The following CLDN10 variants were observed in gnomAD, a reference collection of about 807,000 sequenced individuals.
CLDN10 encodes claudin-10.
In CLDN10, 15 loss-of-function variants were observed where a neutral mutation model predicts 22.9. The ratio of observed to expected loss-of-function variants is 0.65; its 90% CI spans 0.44 to 1.01. The LOEUF (loss-of-function observed/expected upper bound fraction) is 1.01. Ranked by LOEUF, CLDN10 falls within the 50% of genes least tolerant of loss-of-function variation. The pLI is 0.00. For missense variants in CLDN10, 247 were observed against 287.8 expected, an observed-to-expected ratio of 0.86 and a Z score of 1.03; for synonymous variants, 114 against 111.4, an observed-to-expected ratio of 1.02 and a Z score of -0.15.
At chr13:95,563,093 C>CTACTCTCT (rs2043736980) in intron 3 of CLDN10, among the ~76,000 whole-genome samples, 1 of 74,404 alleles carries the variant, frequency 1.3e-5, no homozygotes, top group Non-Finnish European at 3.4e-5. Context: ...CTCTGCCTAC[C>CTACTCTCT]CACTCTCTCT....
chr13:95,547,131 C>T (rs1287649423), intron 1 of CLDN10, among the ~76,000 whole-genome samples: 1 of 150,720 alleles, frequency 6.6e-6, no homozygotes, highest in African/African-American at 2.4e-5. Context: ...AGTGATCTTG[C>T]TGCCTCAGCC....
At chr13:95,467,309 C>T in intron 1 of CLDN10, among the ~76,000 whole-genome samples, 1 of 152,214 alleles carries the variant, frequency 6.6e-6, no homozygotes, top group South Asian at 2.1e-4. Flanking sequence ...AAAAGCATAG[C>T]CCTGTAAATG....
intron 1 of CLDN10, among the ~76,000 whole-genome samples, chr13:95,527,086 AC>A (rs1447851494): frequency 6.6e-6 from 1 of 152,020 alleles, no homozygotes; most frequent in Non-Finnish European, 1.5e-5. Context: ...CCTGTTTTAG[AC>A]CCATTTTTGC....
intron 1 of CLDN10, among the ~76,000 whole-genome samples, chr13:95,444,669 G>A (rs1288640809): frequency 6.6e-6 from 1 of 152,168 alleles, no homozygotes; most frequent in Non-Finnish European, 1.5e-5. Context: ...TTAGGCTAAG[G>A]GACTCATCCA....
chr13:95,555,925 G>C (rs1395996702), intron 1 of CLDN10, among the ~76,000 whole-genome samples: 1 of 152,044 alleles, frequency 6.6e-6, no homozygotes, highest in Non-Finnish European at 1.5e-5. Flanking sequence ...TTAAACCCAG[G>C]TATGAGCTCT....
At chr13:95,479,028 G>A (rs758265308) in intron 1 of CLDN10, among the ~76,000 whole-genome samples, 3 of 152,238 alleles carry the variant, frequency 2.0e-5, no homozygotes, top group African/African-American at 7.2e-5. Context: ...AGCAGGTGCA[G>A]TGGTAGAAGA....
intron 1 of CLDN10, among the ~76,000 whole-genome samples, chr13:95,512,181 T>C (rs2043110686): frequency 7.7e-6 from 1 of 129,750 alleles, no homozygotes; most frequent in Non-Finnish European, 1.7e-5. Context: ...GATGTTAATA[T>C]GAGCAATGTG....
chr13:95,446,778 G>C (rs1003128323), intron 1 of CLDN10, among the ~76,000 whole-genome samples: 4 of 152,010 alleles, frequency 2.6e-5, no homozygotes, highest in Non-Finnish European at 5.9e-5. Flanking sequence ...GGAGGTAGAG[G>C]TTGCAGTGAA....
chr13:95,480,912 G>A (rs2042740299), intron 1 of CLDN10, among the ~76,000 whole-genome samples: 2 of 152,152 alleles, frequency 1.3e-5, no homozygotes, highest in East Asian at 3.9e-4. Flanking sequence ...GAATTCCTGG[G>A]CTCTATAGCC....
chr13:95,478,160 T>C (rs2042703644), intron 1 of CLDN10, among the ~76,000 whole-genome samples: 1 of 144,070 alleles, frequency 6.9e-6, no homozygotes. Context: ...AAAAAAAAAA[T>C]AGCTGGACAT....
chr13:95,447,254 A>C (rs1420939769), intron 1 of CLDN10, among the ~76,000 whole-genome samples: 3 of 152,202 alleles, frequency 2.0e-5, no homozygotes, highest in East Asian at 3.8e-4. Context: ...GTCTTGAGCC[A>C]GTCATATGAG....
At chr13:95,570,305 A>T (rs1487048442) in intron 3 of CLDN10, among the ~76,000 whole-genome samples, 3 of 152,184 alleles carry the variant, frequency 2.0e-5, no homozygotes. Context: ...CGGCCAAGCA[A>T]ACCCCCCAAT....
At chr13:95,540,775 T>A (rs940467173) in intron 1 of CLDN10, among the ~76,000 whole-genome samples, 1 of 152,208 alleles carries the variant, frequency 6.6e-6, no homozygotes, top group Non-Finnish European at 1.5e-5. Flanking sequence ...GGAGTGAAGT[T>A]TTTTTGGGGG....
intron 1 of CLDN10, among the ~76,000 whole-genome samples, chr13:95,542,093 G>A (rs1226870520): frequency 1.3e-5 from 2 of 152,226 alleles, no homozygotes; most frequent in East Asian, 1.9e-4. Context: ...CAGAGCAAGA[G>A]CAAGAGAGCG....
rs1486963685 is a variant in CLDN10 at position 95,560,128 on chromosome 13, G to T, written c.221-4G>T. 2 of 1,602,898 alleles carry T rather than the reference G, an allele frequency of 1.2e-6. No individual in the cohort carries two copies. Among genetic ancestry groups the T allele is most frequent in the Admixed American group, 1.7e-5 (1 of 59,030 alleles). Reference sequence around the variant, plus strand: ...GTAACGTAAATGACCTACTCTAATTGCAGGTTATATACAGGCATGTAGAGG... The same window carrying T: ...GTAACGTAAATGACCTACTCTAATTTCAGGTTATATACAGGCATGTAGAGG... On this transcript the variant is annotated splice_polypyrimidine_tract_variant and splice_region_variant and intron_variant, in intron 1 of 4. Transcript: ENST00000299339.
chr13:95,517,050 C>T (rs1029968471), intron 1 of CLDN10, among the ~76,000 whole-genome samples: 2 of 149,468 alleles, frequency 1.3e-5, no homozygotes, highest in Admixed American at 1.3e-4. Context: ...TTTTTTCTTT[C>T]TCTCTCCCTT....
chr13:95,486,022 A>G (rs1594554294), intron 1 of CLDN10, among the ~76,000 whole-genome samples: 1 of 152,190 alleles, frequency 6.6e-6, no homozygotes, highest in East Asian at 1.9e-4. Context: ...CCCAGGGTAT[A>G]AAACCCAGAG....
At chr13:95,436,125 TCA>T (rs2042268548) in intron 1 of CLDN10, among the ~76,000 whole-genome samples, 1 of 152,198 alleles carries the variant, frequency 6.6e-6, no homozygotes, top group African/African-American at 2.4e-5. Flanking sequence ...AAACACATCA[TCA>T]CAGAGTTAGG....
At chr13:95,469,464 A>G (rs1048786980) in intron 1 of CLDN10, among the ~76,000 whole-genome samples, 1 of 152,166 alleles carries the variant, frequency 6.6e-6, no homozygotes, top group Non-Finnish European at 1.5e-5. Flanking sequence ...TAGGAGGAAA[A>G]TGTAAAGTTT....
Sources: allele counts gnomAD v4.1 joint callset (sites outside exome capture counted in the v4.1 genomes callset), GRCh38; gene constraint gnomAD v4.1.1; transcripts MANE v1.5; gene names NCBI Gene and HGNC (gene_info 2026-07-23, HGNC 2026-07-21).